KIF7: variants seen among roughly 807,000 people sequenced by gnomAD.
KIF7 encodes the protein kinesin family member 7.
In KIF7, 104 loss-of-function variants were observed where a neutral mutation model predicts 135.7. That is an observed-to-expected ratio of 0.77 (90% CI 0.65 to 0.90). KIF7 has a LOEUF of 0.90. Among genes scored for constraint, KIF7 ranks in the 40% least tolerant of loss-of-function variants. KIF7 has a pLI of 0.00. For synonymous variants in KIF7, 883 were observed against 809.4 expected (o/e 1.09, Z -1.54); for missense variants, 2,005 against 1,839.1 (o/e 1.09, Z -1.65).
chr15:89,624,440 C>G, downstream of KIF7: 1 of 1,614,208 alleles, frequency 6.2e-7, no homozygotes, highest in Non-Finnish European at 8.5e-7. Flanking sequence ...CCTCCTCCAC[C>G]CCCTTCTAAA....
chr15:89,625,660 G>T, downstream of KIF7: 2 of 1,613,712 alleles, frequency 1.2e-6, no homozygotes, highest in South Asian at 2.2e-5. Context: ...GGAAGAAGCT[G>T]ACCGTGGAGC....
In KIF7 at chr15:89,646,950, G is replaced by A. The variant is rs559627458; in HGVS notation, c.1668C>T (p.Pro556=). Residue 556 remains proline, a synonymous_variant, in exon 7 of 19, where the codon CCC becomes CCT. Coordinates refer to ENST00000394412, the MANE Select transcript of KIF7 (RefSeq NM_198525.3). ...GGPRLLNGLP[P]GSFVPRPHTA... is the part of the protein sequence containing the mutation. ...TATGAGGTCGAGGCACAAAGGACCC[G>A]GGAGGCAGGCCATTCAGGAGCCGCG... The A allele has an allele frequency of 3.1e-6, 5 of 1,613,812 alleles. No homozygotes were observed. The highest frequency in any genetic ancestry group is 1.7e-5 in the Admixed American group (1 of 60,012).
upstream of KIF7, among the ~76,000 whole-genome samples, chr15:89,657,451 C>G (rs891120318): frequency 3.9e-5 from 6 of 151,920 alleles, no homozygotes; most frequent in African/African-American, 1.5e-4. Context: ...TATCAATGTT[C>G]ATGATTTTAG....
At position 89,628,746 on chromosome 15, in the gene KIF7, A is replaced by T. The variant is rs762263951; in HGVS notation, c.3705T>A (p.Ala1235=). 1 of 1,612,552 alleles carries T rather than the reference A, an allele frequency of 6.2e-7. No homozygotes were observed. The highest frequency in any genetic ancestry group is 1.1e-5 in the South Asian group (1 of 91,068). Residue 1235 remains alanine (A), a synonymous_variant, in exon 19 of 19, where the codon GCT becomes GCA. Transcript: ENST00000394412. The stretch of plus-strand genomic sequence containing the variant: ...GGTGGAGCTCATCTTCATTTCCAGG[A>T]GCCTGTCTGCCCTCCGAGCACAGGC... The part of the protein sequence containing the change: ...KRSLCSEGRQ[A]PGNEDELHLA...
chr15:89,652,938 G>A lies in KIF7; in HGVS notation c.-8C>T. ...CTGAGCCTCCAGCCCCATGCCGAGG[G>A]AGGACTGCTCTGGGCCCTGTGGAGA... is the stretch of plus-strand genomic sequence containing the variant. On this transcript the variant is annotated 5_prime_UTR_variant, in exon 2 of 19. Coordinates refer to ENST00000394412, the MANE Select transcript of KIF7 (RefSeq NM_198525.3). 1 of 1,505,398 alleles carries A rather than the reference G, an allele frequency of 6.6e-7. No individual in the cohort carries two copies. Among genetic ancestry groups the A allele is most frequent in the Non-Finnish European group, 8.9e-7 (1 of 1,124,334 alleles). 93.3% of individuals were successfully genotyped at this position (1,505,398 alleles called of 1,614,324 possible). A position where few individuals can be genotyped will look rare whatever the true frequency, so the allele number is the denominator to read the frequency against.
intron 8 of KIF7, 35 bp from the exon 9 acceptor site, chr15:89,645,486 C>T: frequency 6.5e-7 from 1 of 1,531,388 alleles, no homozygotes; most frequent in Non-Finnish European, 8.9e-7. Context: ...TGCTCCTCCC[C>T]AGCCCCTGCC....
chr15:89,649,725 C>T lies in KIF7; in HGVS notation c.529+16G>A. 1 of 1,550,802 alleles carries T rather than the reference C, an allele frequency of 6.4e-7. No individual in the cohort carries two copies. Among genetic ancestry groups the T allele is most frequent in the Middle Eastern group, 1.7e-4 (1 of 5,988 alleles). On this transcript the variant is annotated intron_variant, in intron 3 of 18. Transcript: ENST00000394412. ...TAAGCCCCTCTCCGTCAGTGGAGGA[C>T]CCCAGAGTTCCTCACCAACATTCCC...
upstream of KIF7, among the ~76,000 whole-genome samples, chr15:89,659,730 G>A (rs1964240125): frequency 6.6e-6 from 1 of 152,130 alleles, no homozygotes. Flanking sequence ...GCTGGTAAGA[G>A]GACTCATATA....
intron 1 of KIF7, among the ~76,000 whole-genome samples, chr15:89,620,059 T>C (rs1963399695): frequency 6.6e-6 from 1 of 152,232 alleles, no homozygotes; most frequent in Non-Finnish European, 1.5e-5. Context: ...CATGCTATCA[T>C]TATAGGTAGC....
intron 1 of KIF7, chr15:89,618,292 A>G: frequency 7.9e-7 from 1 of 1,264,220 alleles, no homozygotes; most frequent in South Asian, 1.2e-5. Flanking sequence ...TACTTGGCAT[A>G]TCCTAAGATA....
intron 11 of KIF7, among the ~76,000 whole-genome samples, chr15:89,638,487 ATTC>A (rs1438591737): frequency 2.0e-5 from 3 of 151,812 alleles, no homozygotes; most frequent in African/African-American, 7.3e-5. Flanking sequence ...AATCACAAGC[ATTC>A]TTATACACCA....
At chr15:89,651,223 C>A (rs1005975088) in intron 2 of KIF7, among the ~76,000 whole-genome samples, 8 of 152,174 alleles carry the variant, frequency 5.3e-5, no homozygotes, top group Non-Finnish European at 1.2e-4. Flanking sequence ...CCTCAGCCTC[C>A]CAAGTAGCTG....
chr15:89,624,253 C>G (rs753708184), downstream of KIF7: 2 of 1,614,232 alleles, frequency 1.2e-6, no homozygotes, highest in African/African-American at 1.3e-5. Flanking sequence ...GTTTACCTCT[C>G]CTTTATGTGA....
In KIF7 at chr15:89,648,275, G is replaced by T. The variant is rs2142027941; in HGVS notation, c.1423C>A (p.Gln475Lys). Residue 475 changes from glutamine (Q) to lysine (K), a missense_variant, in exon 5 of 19, where the codon CAG (glutamine) becomes AAG (lysine). Gln to Lys is a moderately conservative substitution (Grantham distance 53, BLOSUM62 1). Transcript: ENST00000394412. Reference sequence around the variant, plus strand: ...GCCACCTTTCGCCCGCCGGCCCCCTGCGCCGCCTGGTCCTCGACGGAGGCG... The same window carrying T: ...GCCACCTTTCGCCCGCCGGCCCCCTTCGCCGCCTGGTCCTCGACGGAGGCG... ...ESASVEDQAAQGAGGRKEDEG... is the reference protein window; with the variant it reads ...ESASVEDQAAKGAGGRKEDEG... The T allele has an allele frequency of 2.0e-6, 3 of 1,519,344 alleles. No homozygotes were observed. 94.1% of individuals were successfully genotyped at this position (1,519,344 alleles called of 1,614,324 possible). A position where few individuals can be genotyped will look rare whatever the true frequency, so the allele number is the denominator to read the frequency against.
chr15:89,617,732 G>A (rs749796885), intron 2 of KIF7, among the ~76,000 whole-genome samples: 5 of 134,668 alleles, frequency 3.7e-5, no homozygotes, highest in East Asian at 2.2e-4. Flanking sequence ...TAGCTCTGTC[G>A]CCAGGCTGGA....
intron 10 of KIF7, among the ~76,000 whole-genome samples, chr15:89,643,689 A>G (rs1567064487): frequency 6.6e-6 from 1 of 152,230 alleles, no homozygotes; most frequent in Non-Finnish European, 1.5e-5. Flanking sequence ...GATCGAGACC[A>G]TCCTGGCCAA....
At chr15:89,637,704 GGACCAA>G (rs1466638834) in intron 11 of KIF7, among the ~76,000 whole-genome samples, 3 of 128,344 alleles carry the variant, frequency 2.3e-5, no homozygotes, top group African/African-American at 8.5e-5. Context: ...AAAAAGTCCA[GGACCAA>G]ATGGATTCAC....
At chr15:89,646,750 G>A in intron 7 of KIF7, 80 bp downstream of exon 7, 1 of 1,255,848 alleles carries the variant, frequency 8.0e-7, no homozygotes, top group South Asian at 1.2e-5. Flanking sequence ...GGGGACACGT[G>A]CCCCAGTGCC....
upstream of KIF7, among the ~76,000 whole-genome samples, chr15:89,659,255 T>C (rs1420263843): frequency 6.6e-6 from 1 of 151,954 alleles, no homozygotes; most frequent in Non-Finnish European, 1.5e-5. Flanking sequence ...AAACTAGGCC[T>C]GGCATGATGA....
Sources: allele counts gnomAD v4.1 joint callset (sites outside exome capture counted in the v4.1 genomes callset), GRCh38; gene constraint gnomAD v4.1.1; transcripts MANE v1.5; gene names NCBI Gene and HGNC (gene_info 2026-07-23, HGNC 2026-07-21).